The following DMTF1 variants were observed in gnomAD, a reference collection of about 807,000 sequenced individuals.
DMTF1 encodes the protein cyclin D binding myb like transcription factor 1.
In DMTF1, 39 loss-of-function variants were observed where a neutral mutation model predicts 91.1. That is an observed-to-expected ratio of 0.43 (90% confidence interval 0.33 to 0.56). DMTF1 has a LOEUF of 0.56. Ranked by LOEUF, DMTF1 falls within the 20% of genes least tolerant of loss-of-function variation. DMTF1 has a pLI of 0.05. For synonymous variants in DMTF1, 338 were observed against 309.5 expected, an observed-to-expected ratio of 1.09 and a Z score of -0.97; for missense variants, 750 against 914.5, an observed-to-expected ratio of 0.82 and a Z score of 2.32.
At chr7:87,168,898 A>T (rs968551069) in intron 4 of DMTF1, among the ~76,000 whole-genome samples, 1 of 152,150 alleles carries the variant, frequency 6.6e-6, no homozygotes. Context: ...TGATAACCCT[A>T]TTCCCTCTTC....
intron 5 of DMTF1, among the ~76,000 whole-genome samples, chr7:87,172,561 G>T (rs1043353138): frequency 5.3e-5 from 8 of 152,304 alleles, no homozygotes; most frequent in African/African-American, 1.9e-4. Flanking sequence ...TATATTAGAA[G>T]TTCAGTTTCT....
chr7:87,166,232 G>A (rs920610126), intron 3 of DMTF1, among the ~76,000 whole-genome samples: 1 of 152,196 alleles, frequency 6.6e-6, no homozygotes, highest in African/African-American at 2.4e-5. Context: ...TGCCAAGAGA[G>A]ATAGCAGTTT....
intron 12 of DMTF1, 119 bp from the exon 13 acceptor site, chr7:87,187,973 C>T: frequency 1.5e-6 from 1 of 668,466 alleles, no homozygotes; most frequent in Non-Finnish European, 2.6e-6. Context: ...CTCTCACATC[C>T]AGTATGCAGT....
intron 3 of DMTF1, among the ~76,000 whole-genome samples, 165 bp downstream of exon 3, chr7:87,165,215 T>A (rs1171689068): frequency 6.6e-6 from 1 of 152,216 alleles, no homozygotes; most frequent in East Asian, 1.9e-4. Flanking sequence ...TTGTCAATCT[T>A]GTTGCTATGT....
chr7:87,161,120 A>G (rs1354778733), intron 1 of DMTF1, among the ~76,000 whole-genome samples: 2 of 152,156 alleles, frequency 1.3e-5, no homozygotes, highest in African/African-American at 4.8e-5. Context: ...TAAAAGTGAA[A>G]CTAGGTCAGT....
At chr7:87,178,576 TC>T (rs1796724371) in intron 7 of DMTF1, among the ~76,000 whole-genome samples, 1 of 152,032 alleles carries the variant, frequency 6.6e-6, no homozygotes, top group Admixed American at 6.6e-5. Flanking sequence ...AAACTTGTAT[TC>T]CTGGGATAAA....
chr7:87,172,184 ATCT>A (rs1291189977), intron 5 of DMTF1, among the ~76,000 whole-genome samples: 4 of 152,200 alleles, frequency 2.6e-5, no homozygotes, highest in Non-Finnish European at 4.4e-5. Flanking sequence ...CTAGGATCAA[ATCT>A]TATAAAAATT....
chr7:87,184,911 C>A, intron 11 of DMTF1: 1 of 522,952 alleles, frequency 1.9e-6, no homozygotes, highest in Non-Finnish European at 3.7e-6. Flanking sequence ...CAGGCAGCGG[C>A]AGTGTAGCTT....
chr7:87,165,699 C>T (rs528449854), intron 3 of DMTF1, among the ~76,000 whole-genome samples: 1 of 152,270 alleles, frequency 6.6e-6, no homozygotes, highest in Non-Finnish European at 1.5e-5. Context: ...TTTCATATGT[C>T]CCAAACAATC....
intron 1 of DMTF1, among the ~76,000 whole-genome samples, chr7:87,156,682 G>A (rs1252746052): frequency 2.0e-5 from 3 of 152,052 alleles, no homozygotes; most frequent in Non-Finnish European, 4.4e-5. Flanking sequence ...CCCATGTTTA[G>A]GATGTATGAA....
At chr7:87,164,911 A>G in intron 2 of DMTF1, 23 bp from the exon 3 acceptor site, 1 of 1,434,242 alleles carries the variant, frequency 7.0e-7, no homozygotes, top group Non-Finnish European at 9.6e-7. Flanking sequence ...TGAAATCCTG[A>G]TCTGGAATCT....
intron 7 of DMTF1, 73 bp downstream of exon 7, chr7:87,174,742 T>G (rs1795870934): frequency 2.0e-6 from 2 of 1,000,650 alleles, no homozygotes; most frequent in Non-Finnish European, 3.1e-6. Context: ...CACAGAATGT[T>G]GTGTGCACTT....
rs141802291 is a variant in DMTF1, at chr7:87,168,457, G to A, written c.232+1852G>A. On this transcript the variant is annotated intron_variant, in intron 4 of 17. Coordinates refer to ENST00000331242, the MANE Select transcript of DMTF1 (RefSeq NM_001142327.2). ...CTGTCTTTCCAGCTCACTTCCTGTAGGGCTCTAACTCTGTAGTCTTTTGCC... is the reference window on the plus strand; with the variant it reads ...CTGTCTTTCCAGCTCACTTCCTGTAAGGCTCTAACTCTGTAGTCTTTTGCC... Among the ~76,000 whole-genome samples, 169 of 152,160 alleles carry A rather than the reference G, an allele frequency of 1.1e-3. 1 individual carries two copies. Among genetic ancestry groups the A allele is most frequent in the African/African-American group, 3.6e-3 (151 of 41,524 alleles).
At chr7:87,163,414 C>T (rs1242993282) in intron 1 of DMTF1, 81 bp from the exon 2 acceptor site, 1 of 152,200 alleles carries the variant, frequency 6.6e-6, no homozygotes, top group Admixed American at 6.5e-5. Context: ...AGGCTTGGGC[C>T]TAGATTGTCA....
Position 87,193,781 on chromosome 7 carries a change from AGTC to A in DMTF1, c.1708_1710del (p.Val570del). 1 of 1,613,018 alleles carries A rather than the reference AGTC, an allele frequency of 6.2e-7. No individual in the cohort carries two copies. The highest frequency in any genetic ancestry group is 8.5e-7 in the Non-Finnish European group (1 of 1,179,374). On this transcript the variant is annotated inframe_deletion, in exon 16 of 18. Transcript: ENST00000331242. ...TTACAGTGCAGTGTCACACACCAAG[AGTC>A]ATCATTCAGACTGTTGCCACAGAGG...
chr7:87,192,896 A>G (rs73208509), intron 14 of DMTF1: 8,120 of 241,086 alleles, frequency 0.034, 177 homozygotes, highest in East Asian at 0.055. Context: ...CTACAAAGAA[A>G]GAAAAAGAGG....
chr7:87,176,281 A>G (rs1459108840), intron 7 of DMTF1, among the ~76,000 whole-genome samples: 1 of 152,252 alleles, frequency 6.6e-6, no homozygotes, highest in Non-Finnish European at 1.5e-5. Context: ...AGAAACAGAA[A>G]TACAGTGGCC....
chr7:87,186,146 G>A (rs907032978), intron 12 of DMTF1, 166 bp downstream of exon 12: 2 of 661,466 alleles, frequency 3.0e-6, no homozygotes, highest in East Asian at 2.8e-5. Flanking sequence ...CCAGAGAAGA[G>A]TTAATACTGT....
At position 87,181,159 on chromosome 7, in the gene DMTF1, T is replaced by G; in HGVS notation, c.678-150T>G. 1.0e-5 allele frequency: 5 copies of G among 488,942 alleles called. No individual in the cohort carries two copies. In the South Asian group the frequency reaches 1.0e-4, roughly 10 times the overall value. 30.3% of individuals were successfully genotyped at this position (488,942 alleles called of 1,614,324 possible). ...GCCGCACCCTGCCTATTCTCAACTTTTATTAATCCACTTTAAAATGGGTTA... is the reference window on the plus strand; with the variant it reads ...GCCGCACCCTGCCTATTCTCAACTTGTATTAATCCACTTTAAAATGGGTTA... On this transcript the variant is annotated intron_variant, in intron 8 of 17. Coordinates refer to ENST00000331242, the MANE Select transcript of DMTF1 (RefSeq NM_001142327.2).
Sources: allele counts gnomAD v4.1 joint callset (sites outside exome capture counted in the v4.1 genomes callset), GRCh38; gene constraint gnomAD v4.1.1; transcripts MANE v1.5; gene names NCBI Gene and HGNC (gene_info 2026-07-23, HGNC 2026-07-21).